LMX1A: variants seen among roughly 807,000 people sequenced by gnomAD.
LMX1A encodes LIM homeobox transcription factor 1 alpha, also known as LIM homeobox transcription factor 1-alpha.
A neutral mutation model predicts 49.1 loss-of-function variants in LMX1A; 15 were observed. The ratio of observed to expected loss-of-function variants is 0.31; its 90% CI spans 0.20 to 0.47. The LOEUF is 0.47. Ranked by LOEUF, LMX1A falls within the 20% of genes least tolerant of loss-of-function variation. The pLI, the probability that LMX1A is intolerant of heterozygous loss-of-function variation, is 1.00. For missense variants in LMX1A, 372 were observed against 475.8 expected (o/e 0.78, Z 2.03); for synonymous variants, 167 against 185.7 (o/e 0.90, Z 0.82).
chr1:165,306,543 T>A lies in LMX1A; in HGVS notation c.263+46533A>T, dbSNP rs528271709. Among the ~76,000 whole-genome samples the A allele has an allele frequency of 6.0e-4, 91 of 152,340 alleles. 1 individual carries two copies. The South Asian group carries it at 0.017, about 28-fold the overall frequency. ...GGTGAGAATAAGTGTTTGGCTTTTT[T>A]AAGTCTTTAGTTCTAGGATGCTTTG... On this transcript the variant is annotated intron_variant, in intron 3 of 8. Coordinates refer to ENST00000342310, the MANE Select transcript of LMX1A (RefSeq NM_177398.4).
chr1:165,319,528 T>G (rs535008736), intron 3 of LMX1A, among the ~76,000 whole-genome samples: 5 of 152,240 alleles, frequency 3.3e-5, no homozygotes, highest in African/African-American at 1.2e-4. Flanking sequence ...AAATATGTAT[T>G]ATCAGGAAGG....
In LMX1A at chr1:165,204,048, GGA is replaced by G. The variant is rs754380307; in HGVS notation, c.989-10_989-9del. Reference sequence around the variant, plus strand: ...GGAAAAGGGGCTCGGCACCTGAAATGGAGATGAAACACTGGCATGAGGGTCTT... The same window carrying G: ...GGAAAAGGGGCTCGGCACCTGAAATGGATGAAACACTGGCATGAGGGTCTT... On this transcript the variant is annotated splice_polypyrimidine_tract_variant and intron_variant, in intron 8 of 8. Coordinates refer to ENST00000342310, the MANE Select transcript of LMX1A (RefSeq NM_177398.4). 3 of 1,613,746 alleles carry G rather than the reference GGA, an allele frequency of 1.9e-6. No individual in the cohort carries two copies. The East Asian group carries it at 6.7e-5, about 36-fold the overall frequency.
At chr1:165,207,272 C>T (rs764897058) in intron 7 of LMX1A, among the ~76,000 whole-genome samples, 3 of 152,046 alleles carry the variant, frequency 2.0e-5, no homozygotes, top group Admixed American at 6.5e-5. Flanking sequence ...AGGGGCATAG[C>T]GTTTAAGAAT....
At chr1:165,303,753 C>T (rs532582809) in intron 3 of LMX1A, among the ~76,000 whole-genome samples, 12 of 152,262 alleles carry the variant, frequency 7.9e-5, no homozygotes, top group Non-Finnish European at 1.8e-4. Flanking sequence ...GCCACTTCCC[C>T]CAGAGTCAGC....
At chr1:165,242,061 G>A (rs1652675232) in intron 4 of LMX1A, among the ~76,000 whole-genome samples, 2 of 152,354 alleles carry the variant, frequency 1.3e-5, no homozygotes, top group South Asian at 2.1e-4. Context: ...GGAAGTTGAT[G>A]CTTCTTTGCC....
intron 3 of LMX1A, among the ~76,000 whole-genome samples, chr1:165,290,676 G>T (rs1654443438): frequency 6.6e-6 from 1 of 152,152 alleles, no homozygotes; most frequent in African/African-American, 2.4e-5. Flanking sequence ...CAGATAAAAA[G>T]ACCCTATTGT....
At chr1:165,204,179 T>C in intron 8 of LMX1A, 139 bp from the exon 9 acceptor site, 1 of 846,860 alleles carries the variant, frequency 1.2e-6, no homozygotes. Flanking sequence ...CTATATTCTC[T>C]TTAGGGGGCT....
intron 3 of LMX1A, among the ~76,000 whole-genome samples, chr1:165,272,702 C>T (rs1174211990): frequency 2.0e-5 from 3 of 152,114 alleles, no homozygotes; most frequent in Non-Finnish European, 4.4e-5. Context: ...AAATAGGAGC[C>T]ACAGAGAAAC....
At chr1:165,294,855 A>G (rs1474842158) in intron 3 of LMX1A, among the ~76,000 whole-genome samples, 2 of 152,030 alleles carry the variant, frequency 1.3e-5, no homozygotes, top group African/African-American at 4.8e-5. Flanking sequence ...TCCCAGCTAC[A>G]TGGGAGGCTG....
intron 3 of LMX1A, among the ~76,000 whole-genome samples, chr1:165,284,498 A>T (rs773700218): frequency 6.6e-6 from 1 of 152,220 alleles, no homozygotes; most frequent in African/African-American, 2.4e-5. Context: ...AGAGTGAATG[A>T]GCAGGCAGGC....
intron 3 of LMX1A, among the ~76,000 whole-genome samples, chr1:165,330,042 A>G (rs972007196): frequency 2.6e-5 from 4 of 152,238 alleles, no homozygotes; most frequent in Non-Finnish European, 5.9e-5. Context: ...CTGTACCAGA[A>G]ATAACTCTAA....
intron 3 of LMX1A, among the ~76,000 whole-genome samples, chr1:165,287,109 C>A (rs1484185355): frequency 6.6e-6 from 1 of 152,172 alleles, no homozygotes; most frequent in Non-Finnish European, 1.5e-5. Flanking sequence ...ATGGGAGCTT[C>A]AAAGCAAACT....
chr1:165,257,523 C>T (rs1388676925), intron 3 of LMX1A, among the ~76,000 whole-genome samples: 1 of 152,160 alleles, frequency 6.6e-6, no homozygotes, highest in African/African-American at 2.4e-5. Context: ...GGCCTACCCT[C>T]TATGGATGTG....
intron 4 of LMX1A, among the ~76,000 whole-genome samples, chr1:165,214,480 T>C (rs1468031699): frequency 1.3e-5 from 2 of 152,362 alleles, no homozygotes; most frequent in African/African-American, 4.8e-5. Flanking sequence ...TGTACTCTTC[T>C]GCAAAATAGT....
At chr1:165,236,464 C>T (rs1571168008) in intron 4 of LMX1A, among the ~76,000 whole-genome samples, 1 of 151,942 alleles carries the variant, frequency 6.6e-6, no homozygotes, top group East Asian at 1.9e-4. Flanking sequence ...ATACAGGGCA[C>T]ATCATTAAAT....
chr1:165,234,487 C>T (rs1478459559), intron 4 of LMX1A, among the ~76,000 whole-genome samples: 1 of 152,164 alleles, frequency 6.6e-6, no homozygotes, highest in Non-Finnish European at 1.5e-5. Context: ...ATAGGAGTTT[C>T]TTATCCCCTG....
chr1:165,273,894 C>T (rs1056119008), intron 3 of LMX1A, among the ~76,000 whole-genome samples: 4 of 152,194 alleles, frequency 2.6e-5, no homozygotes, highest in Non-Finnish European at 4.4e-5. Context: ...TGAGGAGCTG[C>T]CACAAGTAGT....
At chr1:165,232,108 T>C (rs536172431) in intron 4 of LMX1A, among the ~76,000 whole-genome samples, 1 of 152,344 alleles carries the variant, frequency 6.6e-6, no homozygotes, top group South Asian at 2.1e-4. Context: ...AGATTAGCTC[T>C]GTGAAACCAG....
intron 6 of LMX1A, among the ~76,000 whole-genome samples, chr1:165,208,791 C>A (rs1030180640): frequency 1.3e-5 from 2 of 151,960 alleles, no homozygotes; most frequent in African/African-American, 4.8e-5. Context: ...GGACTACAGG[C>A]GCCCGCCACT....
Sources: gnomAD v4.1 joint callset for allele counts (sites outside exome capture counted in the v4.1 genomes callset) on GRCh38, gnomAD v4.1.1 for gene constraint, MANE v1.5 for transcripts, NCBI Gene and HGNC (gene_info 2026-07-23, HGNC 2026-07-21) for gene names.